The following PTPN1 variants were observed in gnomAD, a reference collection of about 807,000 sequenced individuals.
PTPN1 encodes protein tyrosine phosphatase non-receptor type 1.
In PTPN1, 12 loss-of-function variants were observed where a neutral mutation model predicts 59.9. That is an observed-to-expected ratio of 0.20 (90% CI 0.13 to 0.32). PTPN1 has a LOEUF of 0.32. PTPN1 is among the 10% of genes least tolerant of loss of function. The probability of loss-of-function intolerance (pLI) is 1.00; values close to 1 mark genes in which losing one functional copy is unlikely to be tolerated. For synonymous variants in PTPN1, 178 were observed against 203.6 expected (o/e 0.87, Z 1.07); for missense variants, 356 against 549.2 (o/e 0.65, Z 3.52).
chr20:50,517,495 GC>G (rs2082533952), intron 1 of PTPN1, among the ~76,000 whole-genome samples: 1 of 152,184 alleles, frequency 6.6e-6, no homozygotes, highest in Non-Finnish European at 1.5e-5. Flanking sequence ...CTGGGCTTAA[GC>G]CATCTGTCTG....
At chr20:50,562,083 A>G (rs1414389444) in intron 2 of PTPN1, among the ~76,000 whole-genome samples, 1 of 152,232 alleles carries the variant, frequency 6.6e-6, no homozygotes, top group Non-Finnish European at 1.5e-5. Context: ...ATTTGCATAA[A>G]GTAAGGAAAA....
At chr20:50,555,678 AT>A (rs1292684943) in intron 1 of PTPN1, among the ~76,000 whole-genome samples, 2 of 151,618 alleles carry the variant, frequency 1.3e-5, no homozygotes, top group African/African-American at 4.8e-5. Context: ...TATTTTCCCA[AT>A]GTCTTTATTA....
chr20:50,553,321 A>C (rs1043652967), intron 1 of PTPN1, among the ~76,000 whole-genome samples: 1 of 152,222 alleles, frequency 6.6e-6, no homozygotes, highest in Non-Finnish European at 1.5e-5. Flanking sequence ...TGAATTTAGG[A>C]GGCAGATTGG....
intron 1 of PTPN1, among the ~76,000 whole-genome samples, chr20:50,521,002 T>G (rs552276850): frequency 6.6e-6 from 1 of 152,358 alleles, no homozygotes; most frequent in South Asian, 2.1e-4. Context: ...GCCTTACTCA[T>G]GCTAGATATG....
chr20:50,510,399 G>A lies in PTPN1; in HGVS notation c.-129G>A, dbSNP rs1265091443. 1.3e-5 allele frequency: 13 copies of A among 970,416 alleles called. No homozygotes were observed. The allele number at this position is 970,416 out of a possible 1,614,324, so 60.1% of individuals were successfully genotyped here. On this transcript the variant is annotated 5_prime_UTR_variant, in exon 1 of 10. Coordinates refer to ENST00000371621, the MANE Select transcript of PTPN1 (RefSeq NM_002827.4). The stretch of plus-strand genomic sequence containing the variant: ...CCGGTTGACATGAAGAAGCAGCAGC[G>A]GCTAGGGCGGCGGTAGCTGCAGGGG...
At chr20:50,528,735 T>C (rs13038795) in intron 1 of PTPN1, among the ~76,000 whole-genome samples, 2,339 of 141,094 alleles carry the variant, frequency 0.017, 27 homozygotes, top group South Asian at 0.049. Flanking sequence ...AGACTCCATC[T>C]TAAAAAAAAA....
At chr20:50,532,730 G>C (rs1459679506) in intron 1 of PTPN1, among the ~76,000 whole-genome samples, 5 of 152,136 alleles carry the variant, frequency 3.3e-5, no homozygotes, top group African/African-American at 1.2e-4. Flanking sequence ...GTGTGTGTGT[G>C]TCTGTCTATG....
In PTPN1 at chr20:50,581,286, T is replaced by C; in HGVS notation, c.1110T>C (p.Val370=). 9 of 1,611,948 alleles carry C rather than the reference T, an allele frequency of 5.6e-6. No individual in the cohort carries two copies. The highest frequency in any genetic ancestry group is 6.8e-6 in the Non-Finnish European group (8 of 1,178,270). Residue 370 remains valine, a synonymous_variant, in exon 9 of 10, where the codon GTT becomes GTC. Transcript: ENST00000371621. The stretch of plus-strand genomic sequence containing the variant: ...TCAGCATGAGTCAAGACACTGAAGT[T>C]AGAAGTCGGGTCGTGGGGGGAAGTC... ...GIESMSQDTE[V]RSRVVGGSLR... is the part of the protein sequence containing the mutation.
chr20:50,581,526 G>A (rs1327639342), intron 9 of PTPN1, 66 bp downstream of exon 9: 15 of 1,498,830 alleles, frequency 1.0e-5, no homozygotes, highest in Admixed American at 2.0e-5. Flanking sequence ...CCGCTAGCCC[G>A]ATGGTAGGAT....
chr20:50,569,068 C>G (rs761700033), intron 4 of PTPN1, among the ~76,000 whole-genome samples: 7 of 152,156 alleles, frequency 4.6e-5, no homozygotes, highest in Admixed American at 2.0e-4. Context: ...GTGCAGGCCA[C>G]CACTCCTCTT....
intron 2 of PTPN1, among the ~76,000 whole-genome samples, 176 bp from the exon 3 acceptor site, chr20:50,564,793 T>A (rs2082771359): frequency 1.3e-5 from 2 of 152,168 alleles, no homozygotes; most frequent in South Asian, 4.1e-4. Flanking sequence ...TGAAAACCCT[T>A]TCAGAAAATC....
At chr20:50,579,428 C>A in intron 7 of PTPN1, 99 bp downstream of exon 7, 2 of 1,331,936 alleles carry the variant, frequency 1.5e-6, no homozygotes, top group South Asian at 1.3e-5. Context: ...CGTCTGGTGT[C>A]AGGGGAAATA....
intron 1 of PTPN1, among the ~76,000 whole-genome samples, chr20:50,552,751 G>A (rs1022020488): frequency 2.3e-4 from 34 of 150,436 alleles, no homozygotes; most frequent in Admixed American, 7.3e-4. Context: ...GATCCAGCAT[G>A]CTCTCCCTGA....
chr20:50,569,455 G>A (rs1030291533), intron 4 of PTPN1, among the ~76,000 whole-genome samples: 1 of 152,210 alleles, frequency 6.6e-6, no homozygotes, highest in African/African-American at 2.4e-5. Flanking sequence ...TCCTCACTCT[G>A]TTGGAATAGC....
intron 1 of PTPN1, among the ~76,000 whole-genome samples, chr20:50,522,009 A>T (rs1391676659): frequency 6.6e-6 from 1 of 152,186 alleles, no homozygotes; most frequent in Non-Finnish European, 1.5e-5. Flanking sequence ...TGTTAATGTT[A>T]TGTGATGCTT....
At position 50,514,122 on chromosome 20, in the gene PTPN1, T is replaced by C. The variant is rs537965814; in HGVS notation, c.63+3532T>C. On this transcript the variant is annotated intron_variant, in intron 1 of 9. Coordinates refer to ENST00000371621, the MANE Select transcript of PTPN1 (RefSeq NM_002827.4). Reference sequence around the variant, plus strand: ...TAGTGAAGGAAAGAACTTTTTGCTATTGTTATTTGACATCACTGGCATATT... The same window carrying C: ...TAGTGAAGGAAAGAACTTTTTGCTACTGTTATTTGACATCACTGGCATATT... Among the ~76,000 whole-genome samples the C allele has an allele frequency of 2.0e-5, 3 of 152,384 alleles. No individual in the cohort carries two copies. The South Asian group carries it at 6.2e-4, about 32-fold the overall frequency.
intron 1 of PTPN1, among the ~76,000 whole-genome samples, chr20:50,514,085 C>T (rs2122715705): frequency 6.6e-6 from 1 of 152,230 alleles, no homozygotes; most frequent in Non-Finnish European, 1.5e-5. Flanking sequence ...TAACTGGGAG[C>T]ACAAGTAGAA....
chr20:50,510,830 G>C (rs1322753983), intron 1 of PTPN1, among the ~76,000 whole-genome samples: 3 of 151,628 alleles, frequency 2.0e-5, no homozygotes, highest in African/African-American at 7.3e-5. Flanking sequence ...TCTCCAGCTC[G>C]GGTGATCTCT....
At chr20:50,557,129 C>T (rs921061014) in intron 1 of PTPN1, among the ~76,000 whole-genome samples, 24 of 152,224 alleles carry the variant, frequency 1.6e-4, no homozygotes, top group African/African-American at 5.8e-4. Flanking sequence ...TGGTCTTTCT[C>T]ATTGACCACC....
Sources: allele counts gnomAD v4.1 joint callset (sites outside exome capture counted in the v4.1 genomes callset), GRCh38; gene constraint gnomAD v4.1.1; transcripts MANE v1.5; gene names NCBI Gene and HGNC (gene_info 2026-07-23, HGNC 2026-07-21).